DIAPH3: variants seen among roughly 807,000 people sequenced by gnomAD.
DIAPH3 encodes the protein diaphanous related formin 3, also known as protein diaphanous homolog 3.
DIAPH3 carries 117 observed loss-of-function variants against 144.3 expected under a neutral mutation model. The observed-to-expected ratio is 0.81, with a 90% confidence interval of 0.70 to 0.95. DIAPH3 has a LOEUF of 0.95. Among genes scored for constraint, DIAPH3 ranks in the 40% least tolerant of loss-of-function variants. The probability of loss-of-function intolerance (pLI) is 0.00; values close to 1 mark genes in which losing one functional copy is unlikely to be tolerated. For synonymous variants in DIAPH3, 519 were observed against 488.9 expected, an observed-to-expected ratio of 1.06 and a Z score of -0.81; for missense variants, 1,421 against 1,412.7, an observed-to-expected ratio of 1.01 and a Z score of -0.09.
chr13:60,002,053 G>A (rs1025178760), intron 9 of DIAPH3, among the ~76,000 whole-genome samples: 1 of 152,150 alleles, frequency 6.6e-6, no homozygotes, highest in East Asian at 1.9e-4. Context: ...GGAAGTTTGC[G>A]CAATCACTAA....
intron 23 of DIAPH3, among the ~76,000 whole-genome samples, 176 bp from the exon 24 acceptor site, chr13:59,833,447 T>C (rs949739796): frequency 2.0e-5 from 3 of 151,774 alleles, no homozygotes; most frequent in African/African-American, 7.2e-5. Context: ...AGCAACAAAA[T>C]CTTAAATTCA....
At chr13:59,993,703 A>C (rs1160146512) in intron 9 of DIAPH3, among the ~76,000 whole-genome samples, 1 of 35,414 alleles carries the variant, frequency 2.8e-5, no homozygotes, top group South Asian at 9.3e-4. Flanking sequence ...AAACATACTT[A>C]AAAAAAAAAA....
Position 60,016,054 on chromosome 13 carries a change from T to A in DIAPH3, c.701+17A>T, listed in dbSNP as rs756730103. On this transcript the variant is annotated intron_variant, in intron 6 of 27. Coordinates refer to ENST00000400324, the MANE Select transcript of DIAPH3 (RefSeq NM_001042517.2). ...ATGAATGATGCTTACTTGAAAATAA[T>A]TATTAGCAATACTTACATTTTTCCA... 1.2e-6 allele frequency: 2 copies of A among 1,611,184 alleles called. No homozygotes were observed. The highest frequency in any genetic ancestry group is 2.7e-5 in the African/African-American group (2 of 74,874).
intron 27 of DIAPH3, among the ~76,000 whole-genome samples, chr13:59,697,821 T>C (rs56380198): frequency 0.045 from 6,920 of 152,286 alleles, 176 homozygotes; most frequent in African/African-American, 0.054. Context: ...AAAACAACTT[T>C]AAATCATTCA....
intron 25 of DIAPH3, among the ~76,000 whole-genome samples, chr13:59,780,304 G>A (rs999366730): frequency 1.3e-5 from 2 of 152,210 alleles, no homozygotes; most frequent in Non-Finnish European, 2.9e-5. Context: ...ACTGTAGAGG[G>A]AATAGCATTC....
chr13:59,958,867 C>CTTTTTTTTTT (rs932649097), intron 17 of DIAPH3, among the ~76,000 whole-genome samples: 2 of 94,344 alleles, frequency 2.1e-5, no homozygotes, highest in African/African-American at 8.3e-5. Flanking sequence ...CTTCAATAAA[C>CTTTTTTTTTT]TTTTTTTTTT....
At chr13:60,006,866 T>C (rs954848510) in intron 9 of DIAPH3, among the ~76,000 whole-genome samples, 5 of 152,076 alleles carry the variant, frequency 3.3e-5, no homozygotes, top group African/African-American at 1.2e-4. Flanking sequence ...CCAGAATGCA[T>C]GAAAAGGGGC....
At chr13:59,796,841 A>C (rs937763783) in intron 25 of DIAPH3, among the ~76,000 whole-genome samples, 1 of 152,230 alleles carries the variant, frequency 6.6e-6, no homozygotes, top group Non-Finnish European at 1.5e-5. Context: ...GTGTCATAGA[A>C]CAAGTGAGTG....
At chr13:60,058,920 G>A (rs1215405979) in intron 4 of DIAPH3, among the ~76,000 whole-genome samples, 3 of 151,810 alleles carry the variant, frequency 2.0e-5, no homozygotes, top group African/African-American at 4.8e-5. Context: ...TGGGTACAAT[G>A]TACACTACCC....
Position 59,874,109 on chromosome 13 carries a change from G to A in DIAPH3, c.2607+5120C>T, listed in dbSNP as rs570590770. Among the ~76,000 whole-genome samples the A allele has an allele frequency of 1.4e-3, 218 of 152,270 alleles. 1 individual carries two copies. The highest frequency in any genetic ancestry group is 2.1e-3 in the Non-Finnish European group (144 of 68,016). On this transcript the variant is annotated intron_variant, in intron 21 of 27. Transcript: ENST00000400324. ...GGATTTTCCATTCTGGGATATGAAA[G>A]TAGGGCAGAAGACCAAGCGATTCAC...
At chr13:60,030,969 C>A (rs1428331508) in intron 5 of DIAPH3, among the ~76,000 whole-genome samples, 1 of 152,168 alleles carries the variant, frequency 6.6e-6, no homozygotes, top group Non-Finnish European at 1.5e-5. Context: ...ATATCAGTGG[C>A]TCTAACATTC....
At chr13:59,952,939 G>C (rs1303978429) in intron 17 of DIAPH3, among the ~76,000 whole-genome samples, 1 of 152,178 alleles carries the variant, frequency 6.6e-6, no homozygotes, top group African/African-American at 2.4e-5. Context: ...GAGCTCTTTA[G>C]TAAAGGAGCT....
rs147665554 is a variant in DIAPH3 at position 59,885,588 on chromosome 13, C to T, written c.2368-6120G>A. The stretch of plus-strand genomic sequence containing the variant: ...TACTTTCCTGCTGATGGACTTTCCC[C>T]CCAACCCACCCCAGTTTGGAGCTAT... On this transcript the variant is annotated intron_variant, in intron 20 of 27. Coordinates refer to ENST00000400324, the MANE Select transcript of DIAPH3 (RefSeq NM_001042517.2). Among the ~76,000 whole-genome samples, 314 of 152,104 alleles carry T rather than the reference C, an allele frequency of 2.1e-3. 2 individuals are homozygous for T. The highest frequency in any genetic ancestry group is 7.2e-3 in the African/African-American group (300 of 41,500).
chr13:59,837,542 C>CTTTT (rs2042099065), intron 23 of DIAPH3: 1 of 154,390 alleles, frequency 6.5e-6, no homozygotes, highest in Non-Finnish European at 1.5e-5. Context: ...AAAATCTTTT[C>CTTTT]TGAACTGCTT....
intron 4 of DIAPH3, among the ~76,000 whole-genome samples, chr13:60,067,122 A>C (rs1184299903): frequency 6.6e-6 from 1 of 152,106 alleles, no homozygotes; most frequent in Non-Finnish European, 1.5e-5. Context: ...TCTACAAAAA[A>C]TAAAAATGAA....
At chr13:59,889,177 A>G (rs2045636220) in intron 20 of DIAPH3, among the ~76,000 whole-genome samples, 1 of 151,922 alleles carries the variant, frequency 6.6e-6, no homozygotes, top group Non-Finnish European at 1.5e-5. Context: ...TTTTTTGTCC[A>G]TTATTTCTTC....
chr13:59,821,426 G>GA lies in DIAPH3; in HGVS notation c.3028-10504dup, dbSNP rs533801232. Among the ~76,000 whole-genome samples, 224 of 151,350 alleles carry GA rather than the reference G, an allele frequency of 1.5e-3. 1 individual carries two copies. Among genetic ancestry groups the GA allele is most frequent in the African/African-American group, 5.0e-3 (203 of 40,846 alleles). ...AATAATTGGAAAACATTTTAATTTGGAAAAAATCCTTAAAAATACATTTCT... is the reference window on the plus strand; with the variant it reads ...AATAATTGGAAAACATTTTAATTTGGAAAAAAATCCTTAAAAATACATTTCT... On this transcript the variant is annotated intron_variant, in intron 24 of 27. Transcript: ENST00000400324.
intron 20 of DIAPH3, among the ~76,000 whole-genome samples, chr13:59,885,351 T>A (rs756511160): frequency 4.7e-4 from 72 of 151,844 alleles, no homozygotes; most frequent in Middle Eastern, 6.8e-3. Context: ...AAAACCAGTG[T>A]TTTGATTTCA....
chr13:59,869,500 T>C (rs1042324425), intron 21 of DIAPH3, among the ~76,000 whole-genome samples: 7 of 152,146 alleles, frequency 4.6e-5, no homozygotes, highest in Non-Finnish European at 8.8e-5. Context: ...AAAAGAACAG[T>C]TGTTAAGGAG....
Sources: allele counts gnomAD v4.1 joint callset (sites outside exome capture counted in the v4.1 genomes callset), GRCh38; gene constraint gnomAD v4.1.1; transcripts MANE v1.5; gene names NCBI Gene and HGNC (gene_info 2026-07-23, HGNC 2026-07-21).